The following DOCK3 variants were observed in gnomAD, a reference collection of about 807,000 sequenced individuals.
The protein encoded by DOCK3 is dedicator of cytokinesis protein 3.
Under a neutral mutation model 265.6 loss-of-function variants are expected in DOCK3, and 60 were observed. The observed-to-expected ratio is 0.23, with a 90% CI of 0.18 to 0.28. DOCK3 has a LOEUF of 0.28. Ranked by LOEUF, DOCK3 falls within the 10% of genes least tolerant of loss-of-function variation. The pLI is 1.00. For missense variants in DOCK3, 1,981 were observed against 2,594.3 expected (o/e 0.76, Z 5.14); for synonymous variants, 881 against 938.0 (o/e 0.94, Z 1.11).
In DOCK3 at chr3:51,208,882, A is replaced by G; in HGVS notation, c.1126+20A>G. ...GCCATGGTGAGATACTTCTCTGACT[A>G]GAACATTTTGTGTTACATTTGTAGT... is the stretch of plus-strand genomic sequence containing the variant. On this transcript the variant is annotated intron_variant, in intron 13 of 52. Transcript: ENST00000266037. 1.9e-6 allele frequency: 3 copies of G among 1,597,334 alleles called. No homozygotes were observed. The highest frequency in any genetic ancestry group is 2.6e-6 in the Non-Finnish European group (3 of 1,171,238).
intron 9 of DOCK3, among the ~76,000 whole-genome samples, chr3:51,131,479 C>A (rs1486607697): frequency 6.6e-6 from 1 of 152,134 alleles, no homozygotes; most frequent in East Asian, 1.9e-4. Flanking sequence ...GGGTACCTGG[C>A]CTCCCTCCAT....
chr3:51,163,182 G>A (rs944623637), intron 12 of DOCK3, among the ~76,000 whole-genome samples: 2 of 152,106 alleles, frequency 1.3e-5, no homozygotes, highest in African/African-American at 4.8e-5. Context: ...TTGCTAGGAT[G>A]GGATTTTACA....
chr3:51,305,860 A>C (rs1576731306), intron 27 of DOCK3, among the ~76,000 whole-genome samples: 1 of 52,862 alleles, frequency 1.9e-5, no homozygotes, highest in Non-Finnish European at 3.6e-5. Context: ...TTTTTTTGAG[A>C]CAGGGTCTTG....
At chr3:51,092,998 G>A (rs182296478) in intron 9 of DOCK3, among the ~76,000 whole-genome samples, 3 of 152,256 alleles carry the variant, frequency 2.0e-5, no homozygotes, top group East Asian at 3.9e-4. Context: ...TAGATGTGTG[G>A]TGTTATTTCT....
intron 4 of DOCK3, among the ~76,000 whole-genome samples, chr3:50,933,095 T>C (rs763326163): frequency 6.6e-5 from 10 of 152,192 alleles, no homozygotes; most frequent in Non-Finnish European, 1.0e-4. Context: ...TTCACTATTA[T>C]GAGAACAGCC....
chr3:51,333,826 C>T (rs2084687607), intron 35 of DOCK3, among the ~76,000 whole-genome samples: 7 of 151,862 alleles, frequency 4.6e-5, no homozygotes, highest in Admixed American at 4.6e-4. Flanking sequence ...ATATTATGTC[C>T]AGTCTGGGAG....
At chr3:50,926,513 A>G (rs1237891288) in intron 4 of DOCK3, among the ~76,000 whole-genome samples, 2 of 152,212 alleles carry the variant, frequency 1.3e-5, no homozygotes, top group Non-Finnish European at 2.9e-5. Flanking sequence ...CTGTGCTTCT[A>G]GTTATGCATA....
chr3:50,828,607 G>T (rs142458225), intron 2 of DOCK3, among the ~76,000 whole-genome samples: 2 of 151,502 alleles, frequency 1.3e-5, no homozygotes, highest in African/African-American at 4.9e-5. Context: ...GTTTCACCAC[G>T]TTGTCCAGGC....
chr3:51,282,077 G>A (rs1016054568), intron 27 of DOCK3, among the ~76,000 whole-genome samples: 4 of 152,104 alleles, frequency 2.6e-5, no homozygotes, highest in East Asian at 1.9e-4. Flanking sequence ...TGGCTGGAAC[G>A]GGACCTCACA....
intron 12 of DOCK3, among the ~76,000 whole-genome samples, chr3:51,164,158 G>T (rs185753333): frequency 1.7e-3 from 259 of 152,202 alleles, no homozygotes; most frequent in Admixed American, 7.1e-3. Context: ...CGTCAATTTG[G>T]TGATCATACC....
At chr3:51,012,476 G>A (rs1056611968) in intron 5 of DOCK3, among the ~76,000 whole-genome samples, 31 of 152,184 alleles carry the variant, frequency 2.0e-4, no homozygotes, top group Non-Finnish European at 3.5e-4. Flanking sequence ...CCTCGTGTCC[G>A]TTTGCTAAGA....
At chr3:51,091,424 C>T (rs1348408250) in intron 9 of DOCK3, among the ~76,000 whole-genome samples, 1 of 152,130 alleles carries the variant, frequency 6.6e-6, no homozygotes, top group East Asian at 1.9e-4. Flanking sequence ...TGGCTCACGA[C>T]TGTAATGCCA....
chr3:51,370,727 A>G (rs1320570696), intron 49 of DOCK3, among the ~76,000 whole-genome samples: 1 of 152,248 alleles, frequency 6.6e-6, no homozygotes, highest in African/African-American at 2.4e-5. Flanking sequence ...TTGCTGCATA[A>G]TAAGCCACCC....
At chr3:51,237,694 T>C (rs538164921) in intron 21 of DOCK3, 104 bp downstream of exon 21, 1 of 968,204 alleles carries the variant, frequency 1.0e-6, no homozygotes, top group South Asian at 1.5e-5. Flanking sequence ...AGCTGACTTT[T>C]TAAAAATTTT....
At chr3:51,271,460 CT>C (rs1237134553) in intron 24 of DOCK3, among the ~76,000 whole-genome samples, 2 of 151,444 alleles carry the variant, frequency 1.3e-5, no homozygotes, top group Admixed American at 6.6e-5. Context: ...TCTCTGGGGT[CT>C]TTTTTTTTAA....
At position 50,681,982 on chromosome 3, in the gene DOCK3, A is replaced by G. The variant is rs537346271; in HGVS notation, c.37+6682A>G. Among the ~76,000 whole-genome samples the G allele has an allele frequency of 3.9e-5, 6 of 152,370 alleles. No homozygotes were observed. In the South Asian group the frequency reaches 1.0e-3, roughly 26 times the overall value. The stretch of plus-strand genomic sequence containing the variant: ...GACAGCCCATTTTATTGTTAGCTGT[A>G]ATGAGAACATTCTTCCTTATTGAGT... On this transcript the variant is annotated intron_variant, in intron 1 of 52. Coordinates refer to ENST00000266037, the MANE Select transcript of DOCK3 (RefSeq NM_004947.5).
At chr3:51,341,032 A>G (rs1442088066) in intron 37 of DOCK3, among the ~76,000 whole-genome samples, 1 of 152,188 alleles carries the variant, frequency 6.6e-6, no homozygotes, top group Non-Finnish European at 1.5e-5. Context: ...TGTCTACCAG[A>G]ATATTTGGCT....
At chr3:51,123,649 A>G (rs927864722) in intron 9 of DOCK3, among the ~76,000 whole-genome samples, 3 of 152,188 alleles carry the variant, frequency 2.0e-5, no homozygotes, top group African/African-American at 7.2e-5. Flanking sequence ...ATGTAGCATT[A>G]TGTGTGTGAT....
At chr3:50,717,341 T>A (rs1398089681) in intron 1 of DOCK3, among the ~76,000 whole-genome samples, 2 of 152,222 alleles carry the variant, frequency 1.3e-5, no homozygotes, top group African/African-American at 4.8e-5. Context: ...TTTTTGTTTT[T>A]CTTTTTTTAT....
Sources: allele counts gnomAD v4.1 joint callset (sites outside exome capture counted in the v4.1 genomes callset), GRCh38; gene constraint gnomAD v4.1.1; transcripts MANE v1.5; gene names NCBI Gene and HGNC (gene_info 2026-07-23, HGNC 2026-07-21).